Variants in CFAP96 observed in about 807,000 individuals in gnomAD.
The protein encoded by CFAP96 is cilia and flagella associated protein 96.
chr4:185,431,117 G>A, the CFAP96 span, among the ~76,000 whole-genome samples: 1 of 151,130 alleles, frequency 6.6e-6, no homozygotes, highest in Non-Finnish European at 1.5e-5. Context: ...GGCTGAGGCA[G>A]GAGAATCGCT....
chr4:185,425,553 G>C, the CFAP96 span, among the ~76,000 whole-genome samples: 73 of 152,324 alleles, frequency 4.8e-4, no homozygotes, highest in African/African-American at 1.6e-3. Context: ...AGAAAGTTGC[G>C]CCTGTCCCAG....
chr4:185,424,557 C>T, the CFAP96 span, among the ~76,000 whole-genome samples: 33 of 152,200 alleles, frequency 2.2e-4, no homozygotes, highest in Non-Finnish European at 4.7e-4. Context: ...CAAGAAAGTT[C>T]AGGACAAATT....
At chr4:185,422,474 A>G in the CFAP96 span, 2 of 1,596,802 alleles carry the variant, frequency 1.3e-6, no homozygotes, top group Non-Finnish European at 1.7e-6. Context: ...AGAATTTTTC[A>G]GAAGACCTAC....
At chr4:185,421,124 T>C in the CFAP96 span, among the ~76,000 whole-genome samples, 1 of 150,504 alleles carries the variant, frequency 6.6e-6, no homozygotes, top group Non-Finnish European at 1.5e-5. Flanking sequence ...CCTAGAAAGC[T>C]GACTGATGCC....
At chr4:185,445,044 T>A in the CFAP96 span, 1 of 1,551,606 alleles carries the variant, frequency 6.4e-7, no homozygotes, top group Non-Finnish European at 8.7e-7. Flanking sequence ...TGGCAAATAT[T>A]TCTGGCAAAG....
At chr4:185,439,987 GAT>G in the CFAP96 span, among the ~76,000 whole-genome samples, 2 of 110,464 alleles carry the variant, frequency 1.8e-5, no homozygotes, top group Admixed American at 1.1e-4. Context: ...GTATATGTGA[GAT>G]ATATACACAT....
At chr4:185,413,266 T>C in the CFAP96 span, among the ~76,000 whole-genome samples, 1 of 152,170 alleles carries the variant, frequency 6.6e-6, no homozygotes, top group Non-Finnish European at 1.5e-5. Flanking sequence ...CAGGTGCCTG[T>C]AACCCCAGCT....
chr4:185,425,760 G>T, the CFAP96 span: 2 of 1,514,246 alleles, frequency 1.3e-6, no homozygotes, highest in Non-Finnish European at 1.8e-6. Context: ...CTGCCATCTT[G>T]GACCCCGGCA....
the CFAP96 span, among the ~76,000 whole-genome samples, chr4:185,428,583 CAAAA>C: frequency 3.3e-3 from 495 of 148,642 alleles, 2 homozygotes; most frequent in East Asian, 0.011. Flanking sequence ...ACAACAACAA[CAAAA>C]AAAAAAGAGA....
chr4:185,415,302 G>A, the CFAP96 span: 1 of 1,601,478 alleles, frequency 6.2e-7, no homozygotes, highest in Non-Finnish European at 8.5e-7. Context: ...ATTTTTCCAT[G>A]TCAGTTAGTT....
the CFAP96 span, chr4:185,413,966 T>C: frequency 8.6e-7 from 1 of 1,158,458 alleles, no homozygotes; most frequent in Non-Finnish European, 1.2e-6. Flanking sequence ...TGGAAAATTA[T>C]ATATAGGTTA....
chr4:185,425,812 G>T, the CFAP96 span: 1 of 1,585,102 alleles, frequency 6.3e-7, no homozygotes, highest in African/African-American at 1.3e-5. Context: ...GCTCGTGGCG[G>T]CTGCCAAAGT....
the CFAP96 span, among the ~76,000 whole-genome samples, chr4:185,410,159 A>ATTTT: frequency 1.3e-5 from 2 of 152,242 alleles, no homozygotes; most frequent in Non-Finnish European, 2.9e-5. Context: ...GAAGAAAAAA[A>ATTTT]AAGCAAAAAA....
the CFAP96 span, among the ~76,000 whole-genome samples, chr4:185,411,519 A>C: frequency 6.6e-6 from 1 of 152,224 alleles, no homozygotes; most frequent in Non-Finnish European, 1.5e-5. Context: ...AATATTAGCA[A>C]ATGGAATCCA....
the CFAP96 span, among the ~76,000 whole-genome samples, chr4:185,449,436 G>A: frequency 6.6e-6 from 1 of 151,906 alleles, no homozygotes; most frequent in East Asian, 1.9e-4. Flanking sequence ...CAGGAGGATT[G>A]CCTAAAAGCC....
chr4:185,413,400 A>AG, the CFAP96 span, among the ~76,000 whole-genome samples: 3 of 152,088 alleles, frequency 2.0e-5, no homozygotes, highest in African/African-American at 7.2e-5. Flanking sequence ...AAAAACAAAA[A>AG]AAGATTTATC....
At chr4:185,449,202 T>A in the CFAP96 span, among the ~76,000 whole-genome samples, 4 of 152,206 alleles carry the variant, frequency 2.6e-5, no homozygotes, top group African/African-American at 9.6e-5. Context: ...TTGTTTTAAA[T>A]TTTTTAATGA....
the CFAP96 span, chr4:185,445,556 A>G: frequency 2.0e-6 from 3 of 1,481,112 alleles, no homozygotes; most frequent in East Asian, 2.3e-5. Context: ...TGAAAATAGA[A>G]AATATTCTGG....
At chr4:185,428,548 G>C in the CFAP96 span, among the ~76,000 whole-genome samples, 1 of 73,382 alleles carries the variant, frequency 1.4e-5, no homozygotes, top group Non-Finnish European at 2.8e-5. Context: ...CTCCAGCCTG[G>C]GACTGTCTAA....
Sources: allele counts gnomAD v4.1 joint callset (sites outside exome capture counted in the v4.1 genomes callset), GRCh38; gene constraint gnomAD v4.1.1; transcripts MANE v1.5; gene names NCBI Gene and HGNC (gene_info 2026-07-23, HGNC 2026-07-21).